Variants in TNNI3K observed in about 807,000 individuals in gnomAD.
TNNI3K encodes the protein TNNI3 interacting kinase.
Under a neutral mutation model 114.5 loss-of-function variants are expected in TNNI3K, and 140 were observed. The observed-to-expected ratio is 1.22, with a 90% CI of 1.07 to 1.41. The LOEUF (loss-of-function observed/expected upper bound fraction) is 1.41. Among genes scored for constraint, TNNI3K ranks in the 40% most tolerant of loss-of-function variants. The probability of loss-of-function intolerance (pLI) is 0.00; values close to 1 mark genes in which losing one functional copy is unlikely to be tolerated. For synonymous variants in TNNI3K, 347 were observed against 347.5 expected (o/e 1.00, Z 0.02); for missense variants, 1,125 against 1,007.6 (o/e 1.12, Z -1.58).
At chr1:74,257,409 G>A (rs574692) in intron 4 of TNNI3K, among the ~76,000 whole-genome samples, 128,443 of 152,098 alleles carry the variant, frequency 0.84, 54,351 homozygotes, top group Middle Eastern at 0.91. Flanking sequence ...TTGACTACAG[G>A]GCACATTTTT....
intron 23 of TNNI3K, among the ~76,000 whole-genome samples, chr1:74,499,346 A>G (rs1669491829): frequency 6.6e-6 from 1 of 152,154 alleles, no homozygotes; most frequent in Admixed American, 6.5e-5. Context: ...GAGTTTTACT[A>G]TGTTGCCCAG....
chr1:74,538,922 C>A (rs1479089608), intron 23 of TNNI3K, among the ~76,000 whole-genome samples: 5 of 152,052 alleles, frequency 3.3e-5, no homozygotes, highest in Non-Finnish European at 7.4e-5. Flanking sequence ...AGGACCAGAA[C>A]CTTATAGGTA....
At chr1:74,240,260 G>A (rs888367552) in intron 2 of TNNI3K, 15 of 183,374 alleles carry the variant, frequency 8.2e-5, no homozygotes, top group African/African-American at 3.3e-4. Flanking sequence ...ATGCTTCTAC[G>A]TATCTTTTTG....
chr1:74,290,777 A>G (rs1375207262), intron 5 of TNNI3K, among the ~76,000 whole-genome samples: 1 of 151,784 alleles, frequency 6.6e-6, no homozygotes, highest in Non-Finnish European at 1.5e-5. Flanking sequence ...AAGTGACTAC[A>G]CAATTAATGG....
chr1:74,473,127 A>G (rs191640942), intron 21 of TNNI3K, among the ~76,000 whole-genome samples: 17 of 152,272 alleles, frequency 1.1e-4, no homozygotes, highest in African/African-American at 3.6e-4. Flanking sequence ...AATACCATTA[A>G]TTGAGCACAT....
At chr1:74,444,454 A>T (rs958335355) in intron 20 of TNNI3K, among the ~76,000 whole-genome samples, 8 of 152,128 alleles carry the variant, frequency 5.3e-5, no homozygotes, top group Non-Finnish European at 1.5e-5. Context: ...AGAAAAAAAA[A>T]CCTAGGAATA....
At chr1:74,475,116 CCACACACACACACACACA>C (rs3058791) in intron 21 of TNNI3K, among the ~76,000 whole-genome samples, 6 of 135,912 alleles carry the variant, frequency 4.4e-5, no homozygotes, top group South Asian at 2.6e-4. Context: ...CCACCTCAGC[CCACACACACACACACACA>C]CACACACACA....
chr1:74,420,101 T>C (rs1468245108), intron 17 of TNNI3K, among the ~76,000 whole-genome samples: 2 of 152,136 alleles, frequency 1.3e-5, no homozygotes, highest in Non-Finnish European at 2.9e-5. Flanking sequence ...TATATAGATA[T>C]GAAATGAATG....
At chr1:74,305,281 G>GCCTA (rs964315998) in intron 5 of TNNI3K, among the ~76,000 whole-genome samples, 1 of 152,150 alleles carries the variant, frequency 6.6e-6, no homozygotes, top group African/African-American at 2.4e-5. Flanking sequence ...CACTGTAGAA[G>GCCTA]CCTACTTCAG....
At chr1:74,370,260 C>T (rs201904646) in intron 16 of TNNI3K, 28 bp from the exon 17 acceptor site, 1 of 1,541,688 alleles carries the variant, frequency 6.5e-7, no homozygotes, top group Admixed American at 1.9e-5. Flanking sequence ...ACCATTTCAT[C>T]TCTGTTAAAT....
chr1:74,330,872 A>G (rs1447520417), intron 5 of TNNI3K, among the ~76,000 whole-genome samples: 1 of 152,228 alleles, frequency 6.6e-6, no homozygotes, highest in Non-Finnish European at 1.5e-5. Flanking sequence ...AAGAGTATAA[A>G]GATGAATCTG....
At position 74,283,924 on chromosome 1, in the gene TNNI3K, G is replaced by A. The variant is rs72964179; in HGVS notation, c.444+12216G>A. On this transcript the variant is annotated intron_variant, in intron 5 of 24. Coordinates refer to ENST00000326637, the MANE Select transcript of TNNI3K (RefSeq NM_015978.3). ...AAGAAACGCCTATATATTTTAATTC[G>A]TCTGCACTTAGCCTTCTTTTTGCAC... Among the ~76,000 whole-genome samples, 690 of 151,998 alleles carry A rather than the reference G, an allele frequency of 4.5e-3. 5 individuals are homozygous for A. The highest frequency in any genetic ancestry group is 0.016 in the African/African-American group (649 of 41,460).
intron 11 of TNNI3K, among the ~76,000 whole-genome samples, chr1:74,359,925 A>C (rs1252433790): frequency 1.3e-5 from 2 of 151,776 alleles, no homozygotes; most frequent in Non-Finnish European, 2.9e-5. Context: ...TCCTTTATTC[A>C]ATCAGCCATT....
chr1:74,471,148 C>T (rs1353250858), intron 21 of TNNI3K: 7 of 400,562 alleles, frequency 1.7e-5, no homozygotes, highest in Non-Finnish European at 3.1e-5. Flanking sequence ...TGAGTAACAG[C>T]TGCTTTCTAT....
chr1:74,458,624 A>G (rs1667324135), intron 20 of TNNI3K, among the ~76,000 whole-genome samples: 1 of 152,220 alleles, frequency 6.6e-6, no homozygotes, highest in Non-Finnish European at 1.5e-5. Flanking sequence ...CTCTAAACAT[A>G]ATAATGAATA....
chr1:74,275,597 G>A (rs1368584419), intron 5 of TNNI3K, among the ~76,000 whole-genome samples: 1 of 151,998 alleles, frequency 6.6e-6, no homozygotes, highest in Admixed American at 6.6e-5. Flanking sequence ...GAACTAGACA[G>A]CAAAAATAAG....
chr1:74,488,895 G>C (rs893841085), intron 21 of TNNI3K, among the ~76,000 whole-genome samples: 6 of 152,132 alleles, frequency 3.9e-5, no homozygotes, highest in African/African-American at 1.4e-4. Flanking sequence ...TCATTTTGAA[G>C]AGGAAACCTG....
chr1:74,492,453 G>T (rs993175216), intron 23 of TNNI3K, among the ~76,000 whole-genome samples, 187 bp downstream of exon 23: 7 of 152,066 alleles, frequency 4.6e-5, no homozygotes, highest in Admixed American at 1.3e-4. Context: ...GTTAGCCTAG[G>T]TCCTCTAGTT....
At chr1:74,406,109 T>TG (rs1466107350) in intron 17 of TNNI3K, among the ~76,000 whole-genome samples, 13 of 152,216 alleles carry the variant, frequency 8.5e-5, no homozygotes, top group African/African-American at 1.2e-4. Context: ...AACCCACTTC[T>TG]GAACTATTCA....
Sources: allele counts gnomAD v4.1 joint callset (sites outside exome capture counted in the v4.1 genomes callset), GRCh38; gene constraint gnomAD v4.1.1; transcripts MANE v1.5; gene names NCBI Gene and HGNC (gene_info 2026-07-23, HGNC 2026-07-21).